The following LRRC1 variants were observed in gnomAD, a reference collection of about 807,000 sequenced individuals.
LRRC1 encodes leucine-rich repeat-containing protein 1.
LRRC1 carries 28 observed loss-of-function variants against 69.9 expected under a neutral mutation model. The ratio of observed to expected loss-of-function variants is 0.40; its 90% CI spans 0.30 to 0.55. LRRC1 has a LOEUF of 0.55. LRRC1 is among the 20% of genes least tolerant of loss of function. LRRC1 has a pLI of 0.47. For missense variants in LRRC1, 498 were observed against 609.0 expected, an observed-to-expected ratio of 0.82 and a Z score of 1.92; for synonymous variants, 236 against 240.2, an observed-to-expected ratio of 0.98 and a Z score of 0.16.
rs182263415 is a variant in LRRC1 at position 53,924,116 on chromosome 6, A to T, written c.*1323A>T. 6.5e-6 allele frequency: 1 copy of T among 152,796 alleles called. No homozygotes were observed. Among genetic ancestry groups the T allele is most frequent in the East Asian group, 1.9e-4 (1 of 5,190 alleles). 9.5% of individuals were successfully genotyped at this position (152,796 alleles called of 1,614,324 possible). A position where few individuals can be genotyped will look rare whatever the true frequency, so the allele number is the denominator to read the frequency against. ...TCCAAGAAATAAATTCATCCTGGACATTGGCCATACAGCTTTTTAAAATTA... is the reference window on the plus strand; with the variant it reads ...TCCAAGAAATAAATTCATCCTGGACTTTGGCCATACAGCTTTTTAAAATTA... On this transcript the variant is annotated 3_prime_UTR_variant, in exon 14 of 14. Coordinates refer to ENST00000370888, the MANE Select transcript of LRRC1 (RefSeq NM_018214.5).
At chr6:53,876,986 C>T (rs530902208) in intron 2 of LRRC1, among the ~76,000 whole-genome samples, 13 of 152,384 alleles carry the variant, frequency 8.5e-5, no homozygotes, top group South Asian at 6.2e-4. Flanking sequence ...CATTTCCTTT[C>T]TGTACTGCCC....
chr6:53,868,714 G>A (rs756825592), intron 2 of LRRC1, among the ~76,000 whole-genome samples: 2 of 151,984 alleles, frequency 1.3e-5, no homozygotes, highest in African/African-American at 2.4e-5. Context: ...CAGATTAATT[G>A]TAAACAGATC....
chr6:53,803,085 C>T (rs924830374), intron 1 of LRRC1, among the ~76,000 whole-genome samples: 3 of 152,282 alleles, frequency 2.0e-5, no homozygotes, highest in South Asian at 2.1e-4. Context: ...CCCCCGTTGC[C>T]GGAATTTTGC....
chr6:53,855,818 A>G (rs750401295), intron 2 of LRRC1, among the ~76,000 whole-genome samples: 1 of 152,122 alleles, frequency 6.6e-6, no homozygotes, highest in African/African-American at 2.4e-5. Context: ...GCTATGCATT[A>G]TGTCGTTGGA....
intron 1 of LRRC1, among the ~76,000 whole-genome samples, chr6:53,805,393 G>A (rs1271565056): frequency 6.6e-6 from 1 of 152,194 alleles, no homozygotes; most frequent in Non-Finnish European, 1.5e-5. Flanking sequence ...TCTGGAGTGA[G>A]AGGGCAGGGT....
At chr6:53,853,991 T>C (rs1394960890) in intron 2 of LRRC1, among the ~76,000 whole-genome samples, 3 of 152,178 alleles carry the variant, frequency 2.0e-5, no homozygotes, top group Non-Finnish European at 2.9e-5. Flanking sequence ...CGTGATGACA[T>C]CAGTACCTAG....
chr6:53,803,326 C>G (rs1200174865), intron 1 of LRRC1, among the ~76,000 whole-genome samples: 44 of 152,180 alleles, frequency 2.9e-4, no homozygotes, highest in Admixed American at 2.9e-3. Context: ...CTGCAGGCTT[C>G]TCACTGTGCT....
At chr6:53,814,759 A>G (rs6458960) in intron 1 of LRRC1, among the ~76,000 whole-genome samples, 95,166 of 152,116 alleles carry the variant, frequency 0.63, 30,091 homozygotes, top group East Asian at 0.9. Flanking sequence ...TAAATGTGCA[A>G]TTTCTATTGG....
At chr6:53,852,027 T>C (rs1347340941) in intron 2 of LRRC1, among the ~76,000 whole-genome samples, 1 of 152,236 alleles carries the variant, frequency 6.6e-6, no homozygotes, top group East Asian at 1.9e-4. Context: ...AGTACTTCAC[T>C]TTAGGCAATA....
chr6:53,797,006 A>G lies in LRRC1; in HGVS notation c.159+1591A>G, dbSNP rs146126603. ...GATGGAGTGAAAAGTTATTCACTAGAAATGATTCATTGCTCTTTGTGGTAT... is the reference window on the plus strand; with the variant it reads ...GATGGAGTGAAAAGTTATTCACTAGGAATGATTCATTGCTCTTTGTGGTAT... On this transcript the variant is annotated intron_variant, in intron 1 of 13. Coordinates refer to ENST00000370888, the MANE Select transcript of LRRC1 (RefSeq NM_018214.5). Among the ~76,000 whole-genome samples the G allele has an allele frequency of 2.8e-3, 420 of 152,294 alleles. 3 individuals are homozygous for G. The highest frequency in any genetic ancestry group is 9.5e-3 in the African/African-American group (396 of 41,558).
intron 9 of LRRC1, among the ~76,000 whole-genome samples, chr6:53,903,373 G>T (rs1768124731): frequency 6.6e-6 from 1 of 151,806 alleles, no homozygotes; most frequent in Admixed American, 6.6e-5. Flanking sequence ...GGTGGGCAGG[G>T]TGGCAGCAGA....
rs764000567 is a variant in LRRC1 at position 53,902,619 on chromosome 6, G to A, written c.788-10G>A. The A allele has an allele frequency of 2.0e-6, 3 of 1,487,808 alleles. No individual in the cohort carries two copies. The highest frequency in any genetic ancestry group is 2.8e-6 in the Non-Finnish European group (3 of 1,083,002). The allele number at this position is 1,487,808 out of a possible 1,614,324, so 92.2% of individuals were successfully genotyped here. A position where few individuals can be genotyped will look rare whatever the true frequency, so the allele number is the denominator to read the frequency against. On this transcript the variant is annotated splice_polypyrimidine_tract_variant and intron_variant, in intron 8 of 13. Coordinates refer to ENST00000370888, the MANE Select transcript of LRRC1 (RefSeq NM_018214.5). The stretch of plus-strand genomic sequence containing the variant: ...TGAATTTGATAATAATAATCATAAT[G>A]CTTTTACAGGAAAACTAAAGAAACT...
chr6:53,891,752 G>A (rs978030437), intron 4 of LRRC1, among the ~76,000 whole-genome samples: 11 of 152,076 alleles, frequency 7.2e-5, no homozygotes, highest in Non-Finnish European at 1.5e-4. Flanking sequence ...GGCAGGCCTA[G>A]GTAGGCAGAT....
intron 2 of LRRC1, among the ~76,000 whole-genome samples, chr6:53,856,687 A>G (rs1766320090): frequency 6.6e-6 from 1 of 152,220 alleles, no homozygotes; most frequent in South Asian, 2.1e-4. Flanking sequence ...CAAGATCACA[A>G]AAGGCTTGTG....
At chr6:53,805,398 C>A (rs970393905) in intron 1 of LRRC1, among the ~76,000 whole-genome samples, 8 of 152,098 alleles carry the variant, frequency 5.3e-5, no homozygotes, top group African/African-American at 1.9e-4. Context: ...AGTGAGAGGG[C>A]AGGGTGGTGT....
In LRRC1 at chr6:53,803,108, G is replaced by A. The variant is rs143491736; in HGVS notation, c.159+7693G>A. On this transcript the variant is annotated intron_variant, in intron 1 of 13. Coordinates refer to ENST00000370888, the MANE Select transcript of LRRC1 (RefSeq NM_018214.5). ...GCCGGAATTTTGCATCTTCTGTACT[G>A]TAACAAACAGGTACTTGGGATTTCC... 2.8e-3 allele frequency among the ~76,000 whole-genome samples: 422 copies of A among 152,290 alleles called. 3 individuals are homozygous for A. The highest frequency in any genetic ancestry group is 9.6e-3 in the African/African-American group (398 of 41,544).
chr6:53,805,450 A>T (rs1764611062), intron 1 of LRRC1, among the ~76,000 whole-genome samples: 1 of 152,066 alleles, frequency 6.6e-6, no homozygotes, highest in Non-Finnish European at 1.5e-5. Context: ...TTAACTTGTG[A>T]TGTCTGCATG....
chr6:53,888,064 G>C (rs1433847783), intron 4 of LRRC1, among the ~76,000 whole-genome samples: 5 of 152,180 alleles, frequency 3.3e-5, no homozygotes, highest in Non-Finnish European at 7.3e-5. Context: ...AAGGAGTTTT[G>C]AAATGTTGGT....
chr6:53,826,131 T>C (rs564252947), intron 1 of LRRC1, among the ~76,000 whole-genome samples: 13 of 151,500 alleles, frequency 8.6e-5, no homozygotes, highest in African/African-American at 3.1e-4. Context: ...CACCTACTCC[T>C]GCCAGCCCCC....
Sources: allele counts gnomAD v4.1 joint callset (sites outside exome capture counted in the v4.1 genomes callset), GRCh38; gene constraint gnomAD v4.1.1; transcripts MANE v1.5; gene names NCBI Gene and HGNC (gene_info 2026-07-23, HGNC 2026-07-21).